Variants in CACNA2D3 observed in about 807,000 individuals in gnomAD.
CACNA2D3 encodes calcium voltage-gated channel auxiliary subunit alpha2delta 3.
CACNA2D3 carries 60 observed loss-of-function variants against 160.6 expected under a neutral mutation model. That is an observed-to-expected ratio of 0.37 (90% CI 0.30 to 0.46). CACNA2D3 has a LOEUF of 0.46. Among genes scored for constraint, CACNA2D3 ranks in the 20% least tolerant of loss-of-function variants. CACNA2D3 has a pLI of 1.00. For missense variants in CACNA2D3, 1,205 were observed against 1,365.0 expected, an observed-to-expected ratio of 0.88 and a Z score of 1.85; for synonymous variants, 558 against 492.9, an observed-to-expected ratio of 1.13 and a Z score of -1.75.
intron 12 of CACNA2D3, among the ~76,000 whole-genome samples, chr3:54,756,246 C>T (rs192813502): frequency 2.0e-5 from 3 of 152,270 alleles, no homozygotes; most frequent in African/African-American, 7.2e-5. Flanking sequence ...TTGATCGTTT[C>T]ATCTTCCTCA....
intron 27 of CACNA2D3, among the ~76,000 whole-genome samples, chr3:54,944,812 GGGGTGTGTGTGTGTGTGT>G (rs1484114996): frequency 6.8e-6 from 1 of 146,164 alleles, no homozygotes; most frequent in Non-Finnish European, 1.5e-5. Context: ...GTTAGAGCTG[GGGGTGTGTGTGTGTGTGT>G]GTGTGTGTGT....
In CACNA2D3 at chr3:54,474,669, A is replaced by C. The variant is rs151113112; in HGVS notation, c.382-28823A>C. Among the ~76,000 whole-genome samples the C allele has an allele frequency of 6.3e-3, 960 of 152,146 alleles. 9 individuals carry two copies. The highest frequency in any genetic ancestry group is 0.022 in the African/African-American group (917 of 41,528). ...AGGAAAGATTAAGAGAGAGAGAAAT[A>C]AGAGAAAGAAGGGGAAGAGGGAAAA... On this transcript the variant is annotated intron_variant, in intron 4 of 37. Transcript: ENST00000474759.
intron 5 of CACNA2D3, among the ~76,000 whole-genome samples, chr3:54,534,230 C>CT (rs111462412): frequency 6.6e-6 from 1 of 152,146 alleles, no homozygotes; most frequent in Non-Finnish European, 1.5e-5. Flanking sequence ...CCAGGGTAAT[C>CT]TTTTTTGGTG....
intron 29 of CACNA2D3, among the ~76,000 whole-genome samples, chr3:54,976,056 T>TACAC (rs3841944): frequency 0.048 from 7,010 of 144,978 alleles, 353 homozygotes; most frequent in African/African-American, 0.14. Context: ...TAGATATAGA[T>TACAC]ACACACACAC....
At chr3:54,883,556 G>T (rs532977213) in intron 21 of CACNA2D3, among the ~76,000 whole-genome samples, 1 of 152,122 alleles carries the variant, frequency 6.6e-6, no homozygotes, top group Non-Finnish European at 1.5e-5. Context: ...TCATTTATAG[G>T]TCCTGTGAAA....
At chr3:54,609,703 C>T (rs1698709583) in intron 9 of CACNA2D3, among the ~76,000 whole-genome samples, 1 of 152,212 alleles carries the variant, frequency 6.6e-6, no homozygotes, top group Admixed American at 6.5e-5. Flanking sequence ...CACCACACGA[C>T]TTCTCAGAGC....
At chr3:54,769,251 G>C (rs1702275631) in intron 13 of CACNA2D3, among the ~76,000 whole-genome samples, 1 of 152,010 alleles carries the variant, frequency 6.6e-6, no homozygotes, top group African/African-American at 2.4e-5. Flanking sequence ...ATTTATGACT[G>C]TCCTGACACA....
At chr3:54,380,720 C>CAAAAACA (rs1156922210) in intron 3 of CACNA2D3, among the ~76,000 whole-genome samples, 3 of 121,616 alleles carry the variant, frequency 2.5e-5, no homozygotes, top group African/African-American at 9.6e-5. Context: ...GACTCCGTCT[C>CAAAAACA]AAAAACAAAA....
chr3:54,813,473 A>G (rs1703376991), intron 13 of CACNA2D3, among the ~76,000 whole-genome samples: 1 of 152,136 alleles, frequency 6.6e-6, no homozygotes, highest in Admixed American at 6.5e-5. Flanking sequence ...TGGGAATGTG[A>G]GTTTCAAATC....
In CACNA2D3 at chr3:54,412,035, G is replaced by T. The variant is rs61554928; in HGVS notation, c.381+25261G>T. Among the ~76,000 whole-genome samples, 1,264 of 152,192 alleles carry T rather than the reference G, an allele frequency of 8.3e-3. 16 individuals are homozygous for T. The highest frequency in any genetic ancestry group is 0.029 in the African/African-American group (1,198 of 41,552). On this transcript the variant is annotated intron_variant, in intron 4 of 37. Transcript: ENST00000474759. Reference sequence around the variant, plus strand: ...GTCCTTCACAGTAAACCATTCTTGTGATTGCTAACATCATAAATTAGTTTT... The same window carrying T: ...GTCCTTCACAGTAAACCATTCTTGTTATTGCTAACATCATAAATTAGTTTT...
At chr3:54,861,249 A>G (rs1269973711) in intron 17 of CACNA2D3, among the ~76,000 whole-genome samples, 1 of 152,146 alleles carries the variant, frequency 6.6e-6, no homozygotes, top group Non-Finnish European at 1.5e-5. Flanking sequence ...CAGACCTCCA[A>G]GAGGAGTTGA....
chr3:54,462,591 TTGCAACCCCTGC>T (rs1700527697), intron 4 of CACNA2D3, among the ~76,000 whole-genome samples: 1 of 152,172 alleles, frequency 6.6e-6, no homozygotes. Context: ...GAGACTAGGA[TTGCAACCCCTGC>T]CTTTTTTTGT....
intron 9 of CACNA2D3, among the ~76,000 whole-genome samples, chr3:54,613,790 T>C (rs1007500848): frequency 6.6e-5 from 10 of 152,354 alleles, no homozygotes; most frequent in Middle Eastern, 3.4e-3. Context: ...ATTATTTGTG[T>C]ATGCTCTGTT....
At chr3:54,263,215 CT>C (rs1263308957) in intron 2 of CACNA2D3, among the ~76,000 whole-genome samples, 7 of 152,136 alleles carry the variant, frequency 4.6e-5, no homozygotes, top group Non-Finnish European at 8.8e-5. Flanking sequence ...AGTTGGTTAA[CT>C]TTTAATTACT....
At chr3:54,385,016 C>G (rs2106656473) in intron 3 of CACNA2D3, among the ~76,000 whole-genome samples, 1 of 152,256 alleles carries the variant, frequency 6.6e-6, no homozygotes, top group Non-Finnish European at 1.5e-5. Flanking sequence ...CCCACCATGC[C>G]TGGCCTAGGT....
At chr3:54,751,907 T>G (rs1238232849) in intron 11 of CACNA2D3, among the ~76,000 whole-genome samples, 1 of 152,232 alleles carries the variant, frequency 6.6e-6, no homozygotes, top group Non-Finnish European at 1.5e-5. Context: ...CCATTTAACC[T>G]TAAGTACCAT....
intron 13 of CACNA2D3, among the ~76,000 whole-genome samples, chr3:54,805,188 A>C (rs1270656577): frequency 1.3e-5 from 2 of 152,220 alleles, no homozygotes; most frequent in Non-Finnish European, 2.9e-5. Flanking sequence ...AGAAGGCAAG[A>C]AATAACTAAG....
chr3:54,841,774 A>G (rs1698824385), intron 16 of CACNA2D3, among the ~76,000 whole-genome samples: 1 of 152,228 alleles, frequency 6.6e-6, no homozygotes, highest in Non-Finnish European at 1.5e-5. Flanking sequence ...CTCTGTTAAC[A>G]TAACGAGCCA....
chr3:54,193,093 C>G (rs1701012011), intron 2 of CACNA2D3, among the ~76,000 whole-genome samples: 1 of 152,188 alleles, frequency 6.6e-6, no homozygotes, highest in Non-Finnish European at 1.5e-5. Context: ...CACAAGAACC[C>G]TTGGAGAAGG....
Sources: allele counts gnomAD v4.1 joint callset (sites outside exome capture counted in the v4.1 genomes callset), GRCh38; gene constraint gnomAD v4.1.1; transcripts MANE v1.5; gene names NCBI Gene and HGNC (gene_info 2026-07-23, HGNC 2026-07-21).